Variants in GPT observed in about 807,000 individuals in gnomAD.
The protein encoded by GPT is glutamic--pyruvic transaminase, also known as alanine aminotransferase 1.
Under a neutral mutation model 51.4 loss-of-function variants are expected in GPT, and 60 were observed. The ratio of observed to expected loss-of-function variants is 1.17; its 90% CI spans 0.95 to 1.45. GPT has a LOEUF of 1.45. Among genes scored for constraint, GPT ranks in the 40% most tolerant of loss-of-function variants. The pLI, the probability that GPT is intolerant of heterozygous loss-of-function variation, is 0.00. For synonymous variants in GPT, 397 were observed against 303.1 expected (o/e 1.31, Z -3.22); for missense variants, 853 against 704.0 (o/e 1.21, Z -2.40).
In GPT at chr8:144,506,132, G is replaced by C; in HGVS notation, c.956+1G>C. Reference sequence around the variant, plus strand: ...CCACCTCCAAGGGCTACATGGGCGAGTGCGTGCGTACGAGGCGGGTGGGGG... The same window carrying C: ...CCACCTCCAAGGGCTACATGGGCGACTGCGTGCGTACGAGGCGGGTGGGGG... On this transcript the variant is annotated splice_donor_variant, in intron 7 of 10. Coordinates refer to ENST00000394955, the MANE Select transcript of GPT (RefSeq NM_005309.3). LOFTEE classifies it high-confidence loss of function. The surrounding 1 kb of genome is among the most constrained non-coding windows in gnomAD (Gnocchi z 7.0). The C allele has an allele frequency of 1.2e-6, 2 of 1,611,774 alleles. No individual in the cohort carries two copies. The highest frequency in any genetic ancestry group is 1.3e-5 in the African/African-American group (1 of 75,034).
At position 144,506,078 on chromosome 8, in the gene GPT, C is replaced by T. The variant is rs1335186596; in HGVS notation, c.903C>T (p.Ala301=). ...KVLMEMGPPY[A]GQQELASFHS... is the part of the protein sequence containing the mutation. ...TCATGGAGATGGGGCCGCCCTACGC[C>T]GGGCAGCAGGAGCTTGCCTCCTTCC... The change falls in exon 7 of 11, where the codon GCC becomes GCT. Residue 301 remains alanine, a synonymous_variant. Transcript: ENST00000394955. This position sits in a 1 kb window ranked among gnomAD's most constrained non-coding sequence, Gnocchi z 7.0. 21 of 1,612,370 alleles carry T rather than the reference C, an allele frequency of 1.3e-5. No homozygotes were observed. The highest frequency in any genetic ancestry group is 1.4e-5 in the Non-Finnish European group (16 of 1,179,688).
At position 144,504,991 on chromosome 8, in the gene GPT, A is replaced by T. The variant is rs1169220181; in HGVS notation, c.362-7A>T. 1 of 1,613,004 alleles carries T rather than the reference A, an allele frequency of 6.2e-7. No individual in the cohort carries two copies. The highest frequency in any genetic ancestry group is 1.3e-5 in the African/African-American group (1 of 75,044). Reference sequence around the variant, plus strand: ...TGTACTTCCCATCCTGTCCTGCCCGAGTCCAGGGGCCTACAGCGTCAGCTC... The same window carrying T: ...TGTACTTCCCATCCTGTCCTGCCCGTGTCCAGGGGCCTACAGCGTCAGCTC... On this transcript the variant is annotated splice_region_variant and splice_polypyrimidine_tract_variant and intron_variant, in intron 3 of 10. Coordinates refer to ENST00000394955, the MANE Select transcript of GPT (RefSeq NM_005309.3).
chr8:144,506,448 G>GGTGGGGGATGCCGA lies in GPT; in HGVS notation c.1131+46_1132-36dup. 1 of 1,569,980 alleles carries GGTGGGGGATGCCGA rather than the reference G, an allele frequency of 6.4e-7. No individual in the cohort carries two copies. The highest frequency in any genetic ancestry group is 8.6e-7 in the Non-Finnish European group (1 of 1,158,834). On this transcript the variant is annotated intron_variant, in intron 8 of 10. Transcript: ENST00000394955. The surrounding 1 kb of genome is among the most constrained non-coding windows in gnomAD (Gnocchi z 7.0). ...AGGGGGTCCAGGTGACCTAATCAGGGGTGGGGGATGCCGAGTGCCGTGCCC... is the reference window on the plus strand; with the variant it reads ...AGGGGGTCCAGGTGACCTAATCAGGGGTGGGGGATGCCGAGTGGGGGATGCCGAGTGCCGTGCCC...
At chr8:144,505,970 C>G (rs1826781707) in intron 6 of GPT, 25 bp from the exon 7 acceptor site, 1 of 1,612,220 alleles carries the variant, frequency 6.2e-7, no homozygotes, top group African/African-American at 1.3e-5. Flanking sequence ...ACAGTCCGCC[C>G]CCGTGACGCC....
intron 1 of GPT, 46 bp from the exon 2 acceptor site, chr8:144,504,558 G>A (rs545061802): frequency 5.2e-5 from 83 of 1,608,960 alleles, no homozygotes; most frequent in East Asian, 3.8e-4. Context: ...AGGGCTGAGG[G>A]GTTAGGTAGG....
At chr8:144,503,179 C>A (rs1390013715), upstream of GPT, 3 of 152,262 alleles carry the variant, frequency 2.0e-5, no homozygotes, top group Non-Finnish European at 4.4e-5. Context: ...TTCTCCCAGC[C>A]AGCAGGATCA....
At position 144,506,281 on chromosome 8, in the gene GPT, G is replaced by A; in HGVS notation, c.1006G>A (p.Val336Met). The change falls in exon 8 of 11, where the codon GTG becomes ATG. Residue 336 changes from valine to methionine, a missense_variant. By Grantham distance (21) the Val-to-Met change is conservative. Transcript: ENST00000394955. This position sits in a 1 kb window ranked among gnomAD's most constrained non-coding sequence, Gnocchi z 7.0. The stretch of plus-strand genomic sequence containing the variant: ...GGAGGTGGTGAACATGGACGCTGCA[G>A]TGCAGCAGCAGATGCTGAAGCTGAT... ...YVEVVNMDAA[V>M]QQQMLKLMSV... is the part of the protein sequence containing the mutation. The A allele has an allele frequency of 1.2e-6, 2 of 1,603,430 alleles. No homozygotes were observed. Among genetic ancestry groups the A allele is most frequent in the Non-Finnish European group, 8.5e-7 (1 of 1,177,824 alleles).
Position 144,506,766 on chromosome 8 carries a change from G to A in GPT, c.1323G>A (p.Leu441=), listed in dbSNP as rs1449975713. The A allele has an allele frequency of 4.3e-6, 7 of 1,612,230 alleles. No homozygotes were observed. The Admixed American group carries it at 1.2e-4, about 27-fold the overall frequency. The change falls in exon 10 of 11, where the codon CTG becomes CTA. Residue 441 remains leucine (L), a synonymous_variant. Coordinates refer to ENST00000394955, the MANE Select transcript of GPT (RefSeq NM_005309.3). This position sits in a 1 kb window ranked among gnomAD's most constrained non-coding sequence, Gnocchi z 7.0. The stretch of plus-strand genomic sequence containing the variant: ...TGGCCCCCGATATGTTCTTCTGCCT[G>A]CGCCTCCTGGAGGAGACCGGCATCT... ...LGLAPDMFFC[L]RLLEETGICV...
In GPT at chr8:144,505,403, T is replaced by A; in HGVS notation, c.653T>A (p.Val218Glu). The A allele has an allele frequency of 1.3e-6, 2 of 1,596,210 alleles. No homozygotes were observed. Among genetic ancestry groups the A allele is most frequent in the Non-Finnish European group, 8.5e-7 (1 of 1,173,202 alleles). The stretch of plus-strand genomic sequence containing the variant: ...GAGGAGCGTGCCTGGGCGCTGGACG[T>A]GGCCGAGCTTCACCGTGCACTGGGC... ...LDEERAWALD[V>E]AELHRALGQA... Residue 218 changes from valine (V) to glutamate (E), a missense_variant, in exon 5 of 11, where the codon GTG becomes GAG. Physicochemically the swap from Val to Glu is moderately radical, Grantham distance 121 (BLOSUM62 -2). Transcript: ENST00000394955.
rs758324329 is a variant in GPT, at chr8:144,506,380, G to A, written c.1105G>A (p.Asp369Asn). 9 of 1,559,956 alleles carry A rather than the reference G, an allele frequency of 5.8e-6. No homozygotes were observed. The African/African-American group carries it at 8.1e-5, about 14-fold the overall frequency. The change falls in exon 8 of 11, where the codon GAC (aspartate) becomes AAC (asparagine). Residue 369 changes from aspartate (D) to asparagine (N), a missense_variant. By Grantham distance (23) the Asp-to-Asn change is conservative. Transcript: ENST00000394955. The surrounding 1 kb of genome is among the most constrained non-coding windows in gnomAD (Gnocchi z 7.0). The part of the protein sequence containing the change: ...DLVVSPPAPT[D>N]PSFAQFQAEK... ...GGTGGTCAGCCCGCCCGCGCCCACC[G>A]ACCCCTCCTTTGCGCAGTTCCAGGC... is the stretch of plus-strand genomic sequence containing the variant.
At chr8:144,505,809 C>T (rs1479468945) in intron 5 of GPT, 39 bp from the exon 6 acceptor site, 3 of 1,535,314 alleles carry the variant, frequency 2.0e-6, no homozygotes, top group East Asian at 2.5e-5. Flanking sequence ...AGTGCGCCCC[C>T]TTGGCTCACC....
chr8:144,506,272 G>T lies in GPT; in HGVS notation c.997G>T (p.Asp333Tyr). 1 of 1,605,346 alleles carries T rather than the reference G, an allele frequency of 6.2e-7. No homozygotes were observed. Residue 333 changes from aspartate (D) to tyrosine (Y), a missense_variant, in exon 8 of 11, where the codon GAC becomes TAC. Transcript: ENST00000394955. The surrounding 1 kb of genome is among the most constrained non-coding windows in gnomAD (Gnocchi z 7.0). ...CGGCTATGTGGAGGTGGTGAACATG[G>T]ACGCTGCAGTGCAGCAGCAGATGCT... is the stretch of plus-strand genomic sequence containing the variant. ...RGGYVEVVNM[D>Y]AAVQQQMLKL...
Position 144,507,111 on chromosome 8 carries a change from G to A in GPT, c.*111G>A. ...TGATGCCTGGCGGGGTGGGGTGGGG[G>A]GGGTGCTGGGCCCCTGCCTCTCTGC... On this transcript the variant is annotated 3_prime_UTR_variant, in exon 11 of 11. Coordinates refer to ENST00000394955, the MANE Select transcript of GPT (RefSeq NM_005309.3). The A allele has an allele frequency of 1.6e-6, 1 of 641,890 alleles. No homozygotes were observed. The highest frequency in any genetic ancestry group is 2.9e-6 in the Non-Finnish European group (1 of 350,404). 39.8% of individuals were successfully genotyped at this position (641,890 alleles called of 1,614,324 possible).
rs145551173 is a variant in GPT at position 144,504,242 on chromosome 8, G to C, written c.-63G>C. On this transcript the variant is annotated 5_prime_UTR_variant, in exon 1 of 11. Coordinates refer to ENST00000394955, the MANE Select transcript of GPT (RefSeq NM_005309.3). Reference sequence around the variant, plus strand: ...GCCCACTAAGCCAGACCCAGCTGTCGCCATTCCCACTTCTGGTCCTGCCAC... The same window carrying C: ...GCCCACTAAGCCAGACCCAGCTGTCCCCATTCCCACTTCTGGTCCTGCCAC... 4,078 of 1,565,440 alleles carry C rather than the reference G, an allele frequency of 2.6e-3. 9 individuals are homozygous for C. The highest frequency in any genetic ancestry group is 6.9e-3 in the African/African-American group (516 of 74,488).
intron 2 of GPT, 27 bp downstream of exon 2, chr8:144,504,720 C>T (rs766815870): frequency 6.2e-7 from 1 of 1,604,256 alleles, no homozygotes; most frequent in Non-Finnish European, 8.5e-7. Context: ...GCCCGGAGCA[C>T]CCCCCCACCC....
In GPT at chr8:144,506,460, C is replaced by A; in HGVS notation, c.1132-41C>A. ...TGACCTAATCAGGGGTGGGGGATGC[C>A]GAGTGCCGTGCCCTGATGGGCCCTC... On this transcript the variant is annotated intron_variant, in intron 8 of 10. Transcript: ENST00000394955. This position sits in a 1 kb window ranked among gnomAD's most constrained non-coding sequence, Gnocchi z 7.0. 1 of 1,575,470 alleles carries A rather than the reference C, an allele frequency of 6.3e-7. No individual in the cohort carries two copies.
Position 144,506,388 on chromosome 8 carries a change from C to T in GPT, c.1113C>T (p.Ser371=). The T allele has an allele frequency of 6.4e-7, 1 of 1,560,240 alleles. No individual in the cohort carries two copies. Among genetic ancestry groups the T allele is most frequent in the Non-Finnish European group, 8.7e-7 (1 of 1,155,654 alleles). ...GCCCGCCCGCGCCCACCGACCCCTC[C>T]TTTGCGCAGTTCCAGGCTGTGAGTT... is the stretch of plus-strand genomic sequence containing the variant. ...VVSPPAPTDP[S]FAQFQAEKQA... is the part of the protein sequence containing the mutation. The change falls in exon 8 of 11, where the codon TCC becomes TCT. Residue 371 remains serine (S), a synonymous_variant. Coordinates refer to ENST00000394955, the MANE Select transcript of GPT (RefSeq NM_005309.3). The surrounding 1 kb of genome is among the most constrained non-coding windows in gnomAD (Gnocchi z 7.0).
upstream of GPT, chr8:144,503,990 C>T (rs910586638): frequency 2.2e-5 from 10 of 464,042 alleles, no homozygotes; most frequent in East Asian, 8.4e-5. Context: ...GCTCTCCCTT[C>T]GTGGGGACAC....
In GPT at chr8:144,504,943, G is replaced by A. The variant is rs960117347; in HGVS notation, c.362-55G>A. ...GCCACTGGAGGAGGGAAGTCCCTTG[G>A]GAGGGCTGAGGAGAACTTCACCTGT... On this transcript the variant is annotated intron_variant, in intron 3 of 10. Transcript: ENST00000394955. 6 of 1,612,822 alleles carry A rather than the reference G, an allele frequency of 3.7e-6. No individual in the cohort carries two copies. In the African/African-American group the frequency reaches 5.3e-5, roughly 14 times the overall value.
Sources: allele counts gnomAD v4.1 joint callset, GRCh38; gene constraint gnomAD v4.1.1; non-coding constraint Gnocchi (gnomAD v3.1); transcripts MANE v1.5; gene names NCBI Gene and HGNC (gene_info 2026-07-23, HGNC 2026-07-21).